IQUB: variants seen among roughly 807,000 people sequenced by gnomAD.
IQUB encodes the protein IQ motif and ubiquitin-like domain-containing protein.
IQUB carries 86 observed loss-of-function variants against 86.4 expected under a neutral mutation model. The observed-to-expected ratio is 1.00, with a 90% CI of 0.84 to 1.19. The LOEUF (loss-of-function observed/expected upper bound fraction) is 1.19, where lower values mean the gene tolerates loss of function less well. Among genes scored for constraint, IQUB ranks in the 50% most tolerant of loss-of-function variants. The pLI is 0.00. For synonymous variants in IQUB, 289 were observed against 304.5 expected (o/e 0.95, Z 0.53); for missense variants, 946 against 916.9 (o/e 1.03, Z -0.41).
intron 7 of IQUB, among the ~76,000 whole-genome samples, chr7:123,488,693 G>C (rs1795328853): frequency 6.6e-6 from 1 of 152,198 alleles, no homozygotes; most frequent in Non-Finnish European, 1.5e-5. Flanking sequence ...CAATCAGTAT[G>C]AGGCCTGTTT....
At chr7:123,503,398 G>C (rs377262200) in intron 3 of IQUB, 35 bp from the exon 4 acceptor site, 1 of 1,205,188 alleles carries the variant, frequency 8.3e-7, no homozygotes, top group African/African-American at 1.5e-5. Flanking sequence ...AAAGTTTTAT[G>C]ACAAAGAAAT....
chr7:123,467,410 C>A (rs1015722219), intron 9 of IQUB, among the ~76,000 whole-genome samples: 2 of 152,078 alleles, frequency 1.3e-5, no homozygotes, highest in African/African-American at 4.8e-5. Flanking sequence ...AGCCATCTTG[C>A]CTACAGATAG....
At chr7:123,487,381 T>C (rs1468850986) in intron 7 of IQUB, among the ~76,000 whole-genome samples, 2 of 152,308 alleles carry the variant, frequency 1.3e-5, no homozygotes, top group Non-Finnish European at 2.9e-5. Flanking sequence ...AAGTCCTATT[T>C]TGGTATAACA....
At chr7:123,485,004 C>T (rs144166101) in intron 7 of IQUB, among the ~76,000 whole-genome samples, 2 of 152,154 alleles carry the variant, frequency 1.3e-5, no homozygotes, top group East Asian at 3.9e-4. Context: ...TAGAACTATA[C>T]AGAAGAGACA....
chr7:123,455,211 A>T (rs1199627130), intron 12 of IQUB, among the ~76,000 whole-genome samples: 1 of 152,106 alleles, frequency 6.6e-6, no homozygotes, highest in East Asian at 1.9e-4. Flanking sequence ...CATCTCAAAC[A>T]TTTATCATTT....
At chr7:123,495,032 C>G (rs1460955072) in intron 7 of IQUB, among the ~76,000 whole-genome samples, 1 of 152,118 alleles carries the variant, frequency 6.6e-6, no homozygotes, top group African/African-American at 2.4e-5. Context: ...GTCAATAAGA[C>G]CTTTCATAGA....
At chr7:123,483,934 G>A (rs1795110039) in intron 7 of IQUB, among the ~76,000 whole-genome samples, 1 of 151,974 alleles carries the variant, frequency 6.6e-6, no homozygotes, top group African/African-American at 2.4e-5. Flanking sequence ...AAAATTTCAG[G>A]TTTACTTTAA....
intron 12 of IQUB, among the ~76,000 whole-genome samples, chr7:123,454,930 T>TC (rs1793620024): frequency 6.6e-6 from 1 of 152,062 alleles, no homozygotes; most frequent in South Asian, 2.1e-4. Flanking sequence ...GTAAAGGTCC[T>TC]CCCCTTCCAT....
chr7:123,496,542 T>C (rs1795712482), intron 7 of IQUB, among the ~76,000 whole-genome samples, 154 bp downstream of exon 7: 1 of 152,184 alleles, frequency 6.6e-6, no homozygotes, highest in South Asian at 2.1e-4. Context: ...TTATTCCAAA[T>C]ATAAAGTGGT....
chr7:123,502,575 T>C (rs1795991477), intron 6 of IQUB, 22 bp downstream of exon 6: 2 of 1,600,782 alleles, frequency 1.2e-6, no homozygotes, highest in Non-Finnish European at 1.7e-6. Context: ...TTAGTATTCA[T>C]CCACAATAAA....
At chr7:123,526,397 G>A (rs1797209483) in intron 1 of IQUB, among the ~76,000 whole-genome samples, 1 of 152,130 alleles carries the variant, frequency 6.6e-6, no homozygotes, top group African/African-American at 2.4e-5. Flanking sequence ...TGTATTGGGT[G>A]CATATATATT....
At chr7:123,477,288 A>G (rs987008494) in intron 8 of IQUB, among the ~76,000 whole-genome samples, 52 of 152,178 alleles carry the variant, frequency 3.4e-4, no homozygotes, top group African/African-American at 1.2e-3. Flanking sequence ...AACACGACAC[A>G]TCCACAACTA....
chr7:123,510,983 G>T (rs1231918851), intron 2 of IQUB, among the ~76,000 whole-genome samples: 1 of 152,084 alleles, frequency 6.6e-6, no homozygotes, highest in East Asian at 1.9e-4. Flanking sequence ...ATCACTATGT[G>T]TTTAAGTTAT....
chr7:123,507,090 A>T (rs1185449774), intron 3 of IQUB, among the ~76,000 whole-genome samples: 1 of 152,188 alleles, frequency 6.6e-6, no homozygotes. Flanking sequence ...TGCAGTTAGG[A>T]ATGTGAACAC....
chr7:123,478,782 T>G lies in IQUB; in HGVS notation c.1410+1013A>C, dbSNP rs538904295. 5.0e-4 allele frequency among the ~76,000 whole-genome samples: 76 copies of G among 152,262 alleles called. 1 individual carries two copies. The highest frequency in any genetic ancestry group is 1.8e-3 in the African/African-American group (75 of 41,546). ...GATGAAATTTCATACAGATAGGTTA[T>G]ATGCTACAGAACAAGATCAGTTTAC... On this transcript the variant is annotated intron_variant, in intron 8 of 12. Transcript: ENST00000324698.
chr7:123,502,536 T>C, intron 6 of IQUB, 61 bp downstream of exon 6: 1 of 1,455,918 alleles, frequency 6.9e-7, no homozygotes, highest in Non-Finnish European at 9.5e-7. Flanking sequence ...AGAGACACAC[T>C]CGGAACAACT....
chr7:123,455,853 T>C (rs1306192099), intron 12 of IQUB, among the ~76,000 whole-genome samples: 1 of 152,142 alleles, frequency 6.6e-6, no homozygotes, highest in Non-Finnish European at 1.5e-5. Context: ...GTTCCTACTT[T>C]GGCCAGTGTG....
At chr7:123,504,192 G>A (rs1345845436) in intron 3 of IQUB, among the ~76,000 whole-genome samples, 2 of 152,092 alleles carry the variant, frequency 1.3e-5, no homozygotes, top group Non-Finnish European at 2.9e-5. Flanking sequence ...GTTCATGCTT[G>A]TAATATCAGC....
chr7:123,504,275 C>A (rs890881869), intron 3 of IQUB, among the ~76,000 whole-genome samples: 2 of 151,962 alleles, frequency 1.3e-5, no homozygotes, highest in Admixed American at 1.3e-4. Context: ...ATGGGAAAAC[C>A]CAGTCTCTAC....
Sources: allele counts gnomAD v4.1 joint callset (sites outside exome capture counted in the v4.1 genomes callset), GRCh38; gene constraint gnomAD v4.1.1; transcripts MANE v1.5; gene names NCBI Gene and HGNC (gene_info 2026-07-23, HGNC 2026-07-21).